The following PLCB1 variants were observed in gnomAD, a reference collection of about 807,000 sequenced individuals.
The protein encoded by PLCB1 is 1-phosphatidylinositol 4,5-bisphosphate phosphodiesterase beta-1.
PLCB1 carries 46 observed loss-of-function variants against 161.8 expected under a neutral mutation model. The ratio of observed to expected loss-of-function variants is 0.28; its 90% CI spans 0.22 to 0.36. PLCB1 has a LOEUF of 0.36. PLCB1 is among the 10% of genes least tolerant of loss of function. The pLI is 1.00. For missense variants in PLCB1, 1,016 were observed against 1,472.5 expected, an observed-to-expected ratio of 0.69 and a Z score of 5.07; for synonymous variants, 517 against 503.7, an observed-to-expected ratio of 1.03 and a Z score of -0.35.
At chr20:8,780,485 C>T (rs1983160839) in intron 27 of PLCB1, among the ~76,000 whole-genome samples, 1 of 152,116 alleles carries the variant, frequency 6.6e-6, no homozygotes, top group Admixed American at 6.5e-5. Context: ...TCTTTTCTCC[C>T]CTTTCCCATA....
Position 8,366,842 on chromosome 20 carries a change from T to A in PLCB1, c.178-4540T>A, listed in dbSNP as rs1472834416. 2.0e-5 allele frequency among the ~76,000 whole-genome samples: 3 copies of A among 152,230 alleles called. No individual in the cohort carries two copies. In the East Asian group the frequency reaches 5.8e-4, roughly 29 times the overall value. Reference sequence around the variant, plus strand: ...TAATGATTCCGGTAGGTTATGTGACTTTAGGCACTTCAATTCCTTTCTCAT... The same window carrying A: ...TAATGATTCCGGTAGGTTATGTGACATTAGGCACTTCAATTCCTTTCTCAT... On this transcript the variant is annotated intron_variant, in intron 2 of 31. Transcript: ENST00000338037.
At chr20:8,664,506 T>G (rs1047364404) in intron 9 of PLCB1, among the ~76,000 whole-genome samples, 16 of 152,114 alleles carry the variant, frequency 1.1e-4, no homozygotes, top group African/African-American at 3.9e-4. Flanking sequence ...ACAATTAAGC[T>G]ATATTCTCTC....
chr20:8,748,278 A>G (rs1018315422), intron 23 of PLCB1, among the ~76,000 whole-genome samples: 2 of 152,320 alleles, frequency 1.3e-5, no homozygotes, highest in Admixed American at 6.5e-5. Context: ...GGTCCTAACT[A>G]GGAAAACCAT....
intron 11 of PLCB1, among the ~76,000 whole-genome samples, chr20:8,703,664 A>C (rs1254301298): frequency 6.6e-6 from 1 of 152,202 alleles, no homozygotes; most frequent in East Asian, 1.9e-4. Flanking sequence ...ACAATGTCAG[A>C]GGCAGGACAA....
chr20:8,515,526 A>C (rs1401929732), intron 3 of PLCB1, among the ~76,000 whole-genome samples: 2 of 152,162 alleles, frequency 1.3e-5, no homozygotes, highest in African/African-American at 4.8e-5. Context: ...TGCCTGGTGT[A>C]TCTAGAAATT....
chr20:8,510,070 A>T (rs1983816722), intron 3 of PLCB1, among the ~76,000 whole-genome samples: 1 of 152,192 alleles, frequency 6.6e-6, no homozygotes, highest in South Asian at 2.1e-4. Context: ...GTCTTGATTG[A>T]TTGACTGATT....
intron 2 of PLCB1, among the ~76,000 whole-genome samples, chr20:8,291,305 C>A (rs1404667429): frequency 6.6e-6 from 1 of 152,086 alleles, no homozygotes; most frequent in Non-Finnish European, 1.5e-5. Context: ...GGCTTTCTTG[C>A]CACCTCCCAG....
At chr20:8,212,334 T>G (rs1008195702) in intron 2 of PLCB1, among the ~76,000 whole-genome samples, 3 of 152,176 alleles carry the variant, frequency 2.0e-5, no homozygotes, top group Non-Finnish European at 4.4e-5. Context: ...TAGCTCATCA[T>G]AGTAATTGTT....
intron 2 of PLCB1, among the ~76,000 whole-genome samples, chr20:8,165,936 T>A (rs1426812458): frequency 6.6e-6 from 1 of 152,118 alleles, no homozygotes; most frequent in Non-Finnish European, 1.5e-5. Context: ...GTCTCCCTCT[T>A]CCTTTCCCAG....
intron 3 of PLCB1, among the ~76,000 whole-genome samples, chr20:8,551,111 A>G (rs1226104168): frequency 6.6e-6 from 1 of 152,212 alleles, no homozygotes; most frequent in Non-Finnish European, 1.5e-5. Flanking sequence ...GCATTTCATC[A>G]TAAATCACTC....
At chr20:8,276,661 A>G (rs1433571827) in intron 2 of PLCB1, among the ~76,000 whole-genome samples, 1 of 152,096 alleles carries the variant, frequency 6.6e-6, no homozygotes, top group African/African-American at 2.4e-5. Context: ...CTTTTTTCCA[A>G]AATATGTTGT....
chr20:8,860,424 A>C (rs1329777527), intron 31 of PLCB1, among the ~76,000 whole-genome samples: 1 of 152,148 alleles, frequency 6.6e-6, no homozygotes, highest in Non-Finnish European at 1.5e-5. Context: ...TGTGCATATC[A>C]CTGATTTGGC....
At chr20:8,193,000 G>T (rs1255475875) in intron 2 of PLCB1, among the ~76,000 whole-genome samples, 1 of 151,954 alleles carries the variant, frequency 6.6e-6, no homozygotes, top group African/African-American at 2.4e-5. Flanking sequence ...TAAAACATTT[G>T]TTCATGCACA....
At chr20:8,206,463 G>T (rs909846556) in intron 2 of PLCB1, among the ~76,000 whole-genome samples, 3 of 152,018 alleles carry the variant, frequency 2.0e-5, no homozygotes, top group Admixed American at 6.6e-5. Context: ...TGTTATCGTT[G>T]CTACCTTTTT....
intron 3 of PLCB1, among the ~76,000 whole-genome samples, chr20:8,603,124 CA>C (rs1349223354): frequency 3.3e-5 from 5 of 152,136 alleles, no homozygotes; most frequent in African/African-American, 1.2e-4. Context: ...AATGCTCTAG[CA>C]AAAATAAATT....
At chr20:8,589,610 C>CTTTTTTTTTTTT (rs71183102) in intron 3 of PLCB1, among the ~76,000 whole-genome samples, 1 of 80,126 alleles carries the variant, frequency 1.2e-5, no homozygotes, top group African/African-American at 5.1e-5. Flanking sequence ...CAATCTCTCT[C>CTTTTTTTTTTTT]TTTTTTTTTT....
At chr20:8,278,271 T>TTATATAAATATATATTTATATAA (rs1328815060) in intron 2 of PLCB1, among the ~76,000 whole-genome samples, 1 of 146,458 alleles carries the variant, frequency 6.8e-6, no homozygotes, top group African/African-American at 2.5e-5. Context: ...TATAAATATA[T>TTATATAAATATATATTTATATAA]TATATAAATA....
chr20:8,398,617 T>C (rs1290450041), intron 3 of PLCB1, among the ~76,000 whole-genome samples: 1 of 152,168 alleles, frequency 6.6e-6, no homozygotes, highest in African/African-American at 2.4e-5. Context: ...ACTAATCCCA[T>C]TTTGAGGGCT....
At chr20:8,437,031 C>A (rs1457908127) in intron 3 of PLCB1, among the ~76,000 whole-genome samples, 1 of 152,146 alleles carries the variant, frequency 6.6e-6, no homozygotes, top group Non-Finnish European at 1.5e-5. Context: ...CTCAAGTGAT[C>A]CACCCACCTT....
Sources: gnomAD v4.1 joint callset for allele counts (sites outside exome capture counted in the v4.1 genomes callset) on GRCh38, gnomAD v4.1.1 for gene constraint, MANE v1.5 for transcripts, NCBI Gene and HGNC (gene_info 2026-07-23, HGNC 2026-07-21) for gene names.